The following PTPRT variants were observed in gnomAD, a reference collection of about 807,000 sequenced individuals.
PTPRT encodes receptor-type tyrosine-protein phosphatase T.
In PTPRT, 56 loss-of-function variants were observed where a neutral mutation model predicts 176.8. The observed-to-expected ratio is 0.32, with a 90% confidence interval of 0.26 to 0.40. The LOEUF (loss-of-function observed/expected upper bound fraction) is 0.40. Among genes scored for constraint, PTPRT ranks in the 10% least tolerant of loss-of-function variants. PTPRT has a pLI of 1.00. For missense variants in PTPRT, 1,540 were observed against 1,908.2 expected (o/e 0.81, Z 3.60); for synonymous variants, 783 against 739.0 (o/e 1.06, Z -0.96).
chr20:42,900,349 C>T (rs2079381270), intron 1 of PTPRT, among the ~76,000 whole-genome samples: 2 of 152,198 alleles, frequency 1.3e-5, no homozygotes, highest in South Asian at 4.1e-4. Flanking sequence ...TCTTCAGGTG[C>T]TATCTCTTGA....
chr20:42,383,865 T>C (rs2058718674), intron 9 of PTPRT, among the ~76,000 whole-genome samples: 1 of 152,162 alleles, frequency 6.6e-6, no homozygotes, highest in Non-Finnish European at 1.5e-5. Context: ...CAAAGAATAA[T>C]TGAAAGGATT....
intron 7 of PTPRT, among the ~76,000 whole-genome samples, chr20:42,535,069 T>C (rs1174367208): frequency 2.0e-5 from 3 of 152,150 alleles, no homozygotes; most frequent in African/African-American, 7.2e-5. Flanking sequence ...CCTGAAGTCA[T>C]ATATAGCTAG....
intron 1 of PTPRT, among the ~76,000 whole-genome samples, chr20:43,155,887 G>A (rs936002736): frequency 7.2e-5 from 11 of 152,080 alleles, no homozygotes; most frequent in African/African-American, 2.7e-4. Context: ...GAAATTAGCA[G>A]CCTGAGCCCT....
At chr20:42,496,129 G>C (rs1364244384) in intron 7 of PTPRT, among the ~76,000 whole-genome samples, 1 of 152,108 alleles carries the variant, frequency 6.6e-6, no homozygotes, top group Non-Finnish European at 1.5e-5. Flanking sequence ...TCATCATAAA[G>C]CTCTTCATTT....
intron 13 of PTPRT, among the ~76,000 whole-genome samples, chr20:42,280,029 C>T (rs1247740110): frequency 2.0e-5 from 3 of 152,116 alleles, no homozygotes; most frequent in Admixed American, 1.3e-4. Flanking sequence ...ACTTCATATG[C>T]TTCCAAAGTC....
intron 7 of PTPRT, among the ~76,000 whole-genome samples, chr20:42,524,737 A>C (rs1906181154): frequency 6.6e-6 from 1 of 152,160 alleles, no homozygotes; most frequent in African/African-American, 2.4e-5. Flanking sequence ...CTACTTACAG[A>C]ATACATATGT....
intron 9 of PTPRT, among the ~76,000 whole-genome samples, chr20:42,425,513 G>T (rs1009458054): frequency 3.9e-5 from 6 of 152,138 alleles, no homozygotes; most frequent in African/African-American, 1.4e-4. Flanking sequence ...CAAAGGTTCA[G>T]TTATGCAAGA....
chr20:43,070,659 G>A (rs2011167556), intron 1 of PTPRT, among the ~76,000 whole-genome samples: 2 of 152,150 alleles, frequency 1.3e-5, no homozygotes, highest in African/African-American at 2.4e-5. Context: ...AAGAGGATGA[G>A]TTCATGTCCT....
chr20:42,437,285 G>C (rs1164198001), intron 9 of PTPRT, among the ~76,000 whole-genome samples: 2 of 152,166 alleles, frequency 1.3e-5, no homozygotes, highest in African/African-American at 4.8e-5. Flanking sequence ...CCAAGTGATA[G>C]TTCATAGCAG....
intron 13 of PTPRT, among the ~76,000 whole-genome samples, chr20:42,253,528 G>T (rs2056584212): frequency 6.6e-6 from 1 of 152,146 alleles, no homozygotes; most frequent in Non-Finnish European, 1.5e-5. Flanking sequence ...AGGGCCTGGG[G>T]ATTTGGGAAC....
the PTPRT span, among the ~76,000 whole-genome samples, chr20:42,058,660 C>A: frequency 1.3e-5 from 2 of 152,120 alleles, no homozygotes; most frequent in Admixed American, 1.3e-4. Context: ...AGACTTAGTT[C>A]CCTGAATCAG....
chr20:42,468,899 ACT>A (rs2071145217), intron 8 of PTPRT, among the ~76,000 whole-genome samples: 1 of 151,850 alleles, frequency 6.6e-6, no homozygotes, highest in Non-Finnish European at 1.5e-5. Context: ...TTTTGCCCTG[ACT>A]CTGTTTCTCA....
intron 15 of PTPRT, among the ~76,000 whole-genome samples, chr20:42,221,942 G>A (rs2055897235): frequency 1.3e-5 from 2 of 152,154 alleles, no homozygotes; most frequent in South Asian, 4.1e-4. Flanking sequence ...TCGACACATG[G>A]GGATTACAAT....
chr20:42,618,327 C>T (rs1277269341), intron 7 of PTPRT, among the ~76,000 whole-genome samples: 7 of 134,480 alleles, frequency 5.2e-5, no homozygotes, highest in Admixed American at 2.8e-4. Flanking sequence ...AATTTCTGTT[C>T]TTTTACATTT....
At chr20:42,988,912 C>G (rs1379639949) in intron 1 of PTPRT, among the ~76,000 whole-genome samples, 1 of 152,224 alleles carries the variant, frequency 6.6e-6, no homozygotes, top group Non-Finnish European at 1.5e-5. Flanking sequence ...GCAAGAAGCA[C>G]CTGCTACATC....
chr20:42,078,821 G>T lies in PTPRT; in HGVS notation c.*2058C>A, dbSNP rs370520007. 8.0e-5 allele frequency: 14 copies of T among 174,082 alleles called. No homozygotes were observed. The East Asian group carries it at 1.4e-3, about 18-fold the overall frequency. 10.8% of individuals were successfully genotyped at this position (174,082 alleles called of 1,614,324 possible). On this transcript the variant is annotated 3_prime_UTR_variant, in exon 31 of 31. Transcript: ENST00000373187. ...TTTCCTTTTTTTCCTTTTTATGCTT[G>T]TTAAGACCCAGCAGGAATGGACGTC...
At chr20:42,150,295 T>C (rs182943799) in intron 17 of PTPRT, among the ~76,000 whole-genome samples, 2 of 152,328 alleles carry the variant, frequency 1.3e-5, no homozygotes, top group Non-Finnish European at 1.5e-5. Context: ...GATTCTGTCA[T>C]TTGCAATGCC....
intron 14 of PTPRT, among the ~76,000 whole-genome samples, chr20:42,244,636 T>C (rs1295533459): frequency 2.6e-5 from 4 of 152,206 alleles, no homozygotes; most frequent in African/African-American, 9.7e-5. Context: ...CATAAGTGCA[T>C]GGCCATGCTT....
chr20:43,085,999 G>A (rs2146297167), intron 1 of PTPRT, among the ~76,000 whole-genome samples: 1 of 152,182 alleles, frequency 6.6e-6, no homozygotes, highest in African/African-American at 2.4e-5. Flanking sequence ...CAAGGAAACA[G>A]TCACTTGCCA....
Sources: allele counts gnomAD v4.1 joint callset (sites outside exome capture counted in the v4.1 genomes callset), GRCh38; gene constraint gnomAD v4.1.1; transcripts MANE v1.5; gene names NCBI Gene and HGNC (gene_info 2026-07-23, HGNC 2026-07-21).